APLP2: variants seen among roughly 807,000 people sequenced by gnomAD.
The protein encoded by APLP2 is amyloid beta precursor like protein 2, also known as CDEI box-binding protein.
Under a neutral mutation model 89.9 loss-of-function variants are expected in APLP2, and 53 were observed. That is an observed-to-expected ratio of 0.59 (90% CI 0.47 to 0.74). APLP2 has a LOEUF of 0.74. Ranked by LOEUF, APLP2 falls within the 30% of genes least tolerant of loss-of-function variation. The probability of loss-of-function intolerance (pLI) is 0.00; values close to 1 mark genes in which losing one functional copy is unlikely to be tolerated. For synonymous variants in APLP2, 372 were observed against 348.6 expected, an observed-to-expected ratio of 1.07 and a Z score of -0.75; for missense variants, 973 against 975.9, an observed-to-expected ratio of 1.00 and a Z score of 0.04.
In APLP2 at chr11:130,070,009, C is replaced by A. The variant is rs1940547932; in HGVS notation, c.32C>A (p.Ala11Asp). The A allele has an allele frequency of 2.0e-6, 3 of 1,507,184 alleles. No individual in the cohort carries two copies. The highest frequency in any genetic ancestry group is 2.9e-5 in the African/African-American group (2 of 69,926). The allele number at this position is 1,507,184 out of a possible 1,614,324, so 93.4% of individuals were successfully genotyped here. MAATGTAAAA[A>D]TGRLLLLLLV... ...GCCACCGGGACCGCGGCCGCCGCAGCCACGGGCAGGCTCCTGCTTCTGCTG... is the reference window on the plus strand; with the variant it reads ...GCCACCGGGACCGCGGCCGCCGCAGACACGGGCAGGCTCCTGCTTCTGCTG... The change falls in exon 1 of 17, where the codon GCC becomes GAC. Residue 11 changes from alanine to aspartate, a missense_variant. Ala to Asp is a moderately radical substitution (Grantham distance 126). Transcript: ENST00000338167.
chr11:130,135,474 A>G, intron 12 of APLP2, 89 bp from the exon 13 acceptor site: 1 of 1,425,772 alleles, frequency 7.0e-7, no homozygotes, highest in African/African-American at 1.4e-5. Flanking sequence ...TGGGAGCCAC[A>G]GTGGGGTCTT....
At chr11:130,087,668 C>G (rs1399992066) in intron 1 of APLP2, among the ~76,000 whole-genome samples, 1 of 152,162 alleles carries the variant, frequency 6.6e-6, no homozygotes, top group Non-Finnish European at 1.5e-5. Flanking sequence ...AACCAAAAAC[C>G]ACATTTCATA....
At chr11:130,138,119 G>T (rs1388838288) in intron 13 of APLP2, among the ~76,000 whole-genome samples, 1 of 152,208 alleles carries the variant, frequency 6.6e-6, no homozygotes, top group Non-Finnish European at 1.5e-5. Context: ...CCCCAGGTGG[G>T]TGGGTGGCCC....
At chr11:130,099,496 C>G (rs1946630104) in intron 1 of APLP2, among the ~76,000 whole-genome samples, 1 of 152,204 alleles carries the variant, frequency 6.6e-6, no homozygotes. Context: ...CTCTTCTGAT[C>G]ACAGAAGTGT....
chr11:130,131,465 C>T (rs1950931119), intron 11 of APLP2, among the ~76,000 whole-genome samples: 1 of 152,142 alleles, frequency 6.6e-6, no homozygotes, highest in African/African-American at 2.4e-5. Flanking sequence ...AATAAAAGAA[C>T]TCAGGCTTCT....
chr11:130,099,818 T>C (rs1565568165), intron 1 of APLP2, among the ~76,000 whole-genome samples: 1 of 152,204 alleles, frequency 6.6e-6, no homozygotes, highest in Non-Finnish European at 1.5e-5. Context: ...CAAGCCCCAG[T>C]TCTGCGCAAT....
intron 7 of APLP2, among the ~76,000 whole-genome samples, chr11:130,124,203 T>C (rs1255290687): frequency 1.3e-5 from 2 of 152,330 alleles, no homozygotes; most frequent in South Asian, 2.1e-4. Flanking sequence ...CTGACCCCTG[T>C]GATGCATGCC....
chr11:130,102,845 A>G (rs2135708901), intron 1 of APLP2, among the ~76,000 whole-genome samples: 1 of 152,364 alleles, frequency 6.6e-6, no homozygotes, highest in South Asian at 2.1e-4. Flanking sequence ...CCCCAAGCCA[A>G]ATTAATAAAA....
chr11:130,085,844 T>A (rs1480040257), intron 1 of APLP2, among the ~76,000 whole-genome samples: 1 of 152,206 alleles, frequency 6.6e-6, no homozygotes, highest in African/African-American at 2.4e-5. Flanking sequence ...TTTGGTGTAT[T>A]TAGTATATTT....
intron 1 of APLP2, among the ~76,000 whole-genome samples, chr11:130,075,184 C>T (rs1057507202): frequency 1.3e-5 from 2 of 152,172 alleles, no homozygotes; most frequent in African/African-American, 4.8e-5. Flanking sequence ...CAGGGTCTCA[C>T]TCTTACCAAG....
Position 130,123,179 on chromosome 11 carries a change from AAAAGTGGGAAAC to A in APLP2, c.923-430_923-419del, listed in dbSNP as rs1950017309. The stretch of plus-strand genomic sequence containing the variant: ...GTTTGTGATTTGCCTTAGAGAACAT[AAAAGTGGGAAAC>A]AATTGTCCGTTCTAGGTGCTTGTCT... On this transcript the variant is annotated intron_variant, in intron 6 of 16. Transcript: ENST00000338167. This position sits in a 1 kb window ranked among gnomAD's most constrained non-coding sequence, Gnocchi z 4.0. Among the ~76,000 whole-genome samples, 4 of 152,190 alleles carry A rather than the reference AAAAGTGGGAAAC, an allele frequency of 2.6e-5. No homozygotes were observed. Among genetic ancestry groups the A allele is most frequent in the Admixed American group, 2.6e-4 (4 of 15,284 alleles).
chr11:130,088,243 A>T (rs1301427921), intron 1 of APLP2, among the ~76,000 whole-genome samples: 1 of 152,236 alleles, frequency 6.6e-6, no homozygotes, highest in African/African-American at 2.4e-5. Flanking sequence ...GGACAAGGAA[A>T]GGATGGTTTG....
intron 1 of APLP2, among the ~76,000 whole-genome samples, chr11:130,081,546 A>G (rs55781210): frequency 0.1 from 15,319 of 152,200 alleles, 1,181 homozygotes; most frequent in African/African-American, 0.21. Context: ...CTTTGAACTT[A>G]TATAAATGCT....
At chr11:130,106,764 C>T (rs1947832235) in intron 1 of APLP2, among the ~76,000 whole-genome samples, 1 of 152,066 alleles carries the variant, frequency 6.6e-6, no homozygotes, top group Admixed American at 6.5e-5. Context: ...TCTCGGCTCA[C>T]TGCAACCTCT....
intron 1 of APLP2, among the ~76,000 whole-genome samples, chr11:130,090,573 G>T (rs1172457453): frequency 1.3e-5 from 2 of 151,948 alleles, no homozygotes. Flanking sequence ...GGAGCACAGG[G>T]TTGGGGGTAA....
At chr11:130,132,390 G>A (rs193120936) in intron 11 of APLP2, among the ~76,000 whole-genome samples, 1 of 151,852 alleles carries the variant, frequency 6.6e-6, no homozygotes, top group Admixed American at 6.6e-5. Flanking sequence ...TCATGTTAAT[G>A]GCTTCAGGCC....
chr11:130,118,337 A>G (rs957582177), intron 3 of APLP2, among the ~76,000 whole-genome samples: 1 of 152,214 alleles, frequency 6.6e-6, no homozygotes, highest in Admixed American at 6.5e-5. Context: ...ATTTTAAACA[A>G]CAAACCCACA....
intron 1 of APLP2, among the ~76,000 whole-genome samples, chr11:130,104,707 A>G (rs1219337290): frequency 1.3e-5 from 2 of 152,162 alleles, no homozygotes; most frequent in African/African-American, 2.4e-5. Flanking sequence ...ATTAGTCTGT[A>G]GCTTCACGTG....
chr11:130,101,857 A>C (rs1343581283), intron 1 of APLP2: 2 of 442,074 alleles, frequency 4.5e-6, no homozygotes, highest in Non-Finnish European at 9.0e-6. Flanking sequence ...TTTTTCCACT[A>C]ATGTCCTTTT....
Sources: gnomAD v4.1 joint callset for allele counts (sites outside exome capture counted in the v4.1 genomes callset) on GRCh38, gnomAD v4.1.1 for gene constraint, Gnocchi (gnomAD v3.1) non-coding constraint, MANE v1.5 for transcripts, NCBI Gene and HGNC (gene_info 2026-07-23, HGNC 2026-07-21) for gene names.